Variants in DAPP1 observed in about 807,000 individuals in gnomAD.
The protein encoded by DAPP1 is dual adapter for phosphotyrosine and 3-phosphotyrosine and 3-phosphoinositide.
Under a neutral mutation model 41.5 loss-of-function variants are expected in DAPP1, and 20 were observed. The ratio of observed to expected loss-of-function variants is 0.48; its 90% CI spans 0.34 to 0.70. DAPP1 has a LOEUF of 0.70. DAPP1 is among the 30% of genes least tolerant of loss of function. DAPP1 has a pLI of 0.01. For missense variants in DAPP1, 233 were observed against 333.4 expected, an observed-to-expected ratio of 0.70 and a Z score of 2.35; for synonymous variants, 113 against 116.2, an observed-to-expected ratio of 0.97 and a Z score of 0.18.
intron 1 of DAPP1, among the ~76,000 whole-genome samples, chr4:99,824,383 A>G (rs1000076478): frequency 7.2e-5 from 11 of 152,308 alleles, no homozygotes; most frequent in Non-Finnish European, 1.2e-4. Context: ...AACGCTGATG[A>G]TGTACTTGCA....
chr4:99,836,852 A>G (rs1328958065), intron 2 of DAPP1, among the ~76,000 whole-genome samples: 1 of 152,220 alleles, frequency 6.6e-6, no homozygotes, highest in African/African-American at 2.4e-5. Context: ...ACCAGGCTGA[A>G]ATAAAGGTGT....
At chr4:99,860,839 T>G (rs1177150275) in intron 4 of DAPP1, among the ~76,000 whole-genome samples, 1 of 152,252 alleles carries the variant, frequency 6.6e-6, no homozygotes, top group Non-Finnish European at 1.5e-5. Flanking sequence ...AATTTCTTGA[T>G]GTTAAGCTAC....
intron 1 of DAPP1, among the ~76,000 whole-genome samples, chr4:99,834,064 G>A (rs1350010088): frequency 6.6e-6 from 1 of 152,128 alleles, no homozygotes; most frequent in Non-Finnish European, 1.5e-5. Context: ...TGGGACCCAG[G>A]CAAAGCAACC....
intron 1 of DAPP1, among the ~76,000 whole-genome samples, chr4:99,834,700 A>C (rs1283297157): frequency 6.6e-6 from 1 of 152,328 alleles, no homozygotes; most frequent in African/African-American, 2.4e-5. Flanking sequence ...TTAAAAACCA[A>C]TTCTGATTAC....
At chr4:99,841,727 G>T (rs1246178578) in intron 3 of DAPP1, among the ~76,000 whole-genome samples, 1 of 152,168 alleles carries the variant, frequency 6.6e-6, no homozygotes, top group Non-Finnish European at 1.5e-5. Context: ...CCAGGGTTTT[G>T]TTTTGTGTAC....
intron 4 of DAPP1, among the ~76,000 whole-genome samples, chr4:99,855,254 C>A (rs1724005354): frequency 6.6e-6 from 1 of 152,208 alleles, no homozygotes; most frequent in Admixed American, 6.5e-5. Context: ...ACATCTCTTT[C>A]ATTTGCCCTG....
intron 4 of DAPP1, among the ~76,000 whole-genome samples, chr4:99,854,266 C>G (rs1723968374): frequency 6.6e-6 from 1 of 152,168 alleles, no homozygotes; most frequent in African/African-American, 2.4e-5. Context: ...CTTCATTATT[C>G]TGAAGGCCCT....
intron 8 of DAPP1, chr4:99,866,564 A>G (rs746532413): frequency 1.3e-6 from 1 of 766,306 alleles, no homozygotes; most frequent in Non-Finnish European, 2.4e-6. Context: ...CAGGTCAAGG[A>G]CAAAAGCTGA....
intron 1 of DAPP1, among the ~76,000 whole-genome samples, chr4:99,820,923 C>A (rs746953105): frequency 6.6e-6 from 1 of 152,210 alleles, no homozygotes; most frequent in South Asian, 2.1e-4. Flanking sequence ...CCAGTCCATA[C>A]TAAAACAGGT....
In DAPP1 at chr4:99,816,923, G is replaced by A; in HGVS notation, c.10G>A (p.Ala4Thr). The change falls in exon 1 of 9, where the codon GCA becomes ACA. Residue 4 changes from alanine (A) to threonine (T), a missense_variant. By Grantham distance (58) the Ala-to-Thr change is moderately conservative. Coordinates refer to ENST00000512369, the MANE Select transcript of DAPP1 (RefSeq NM_014395.3). The part of the protein sequence containing the change: MGR[A>T]ELLEGKMSTQ... The stretch of plus-strand genomic sequence containing the variant: ...TCTGTGAAGGGCGCGAATGGGCAGA[G>A]CAGAACTTCTAGAAGGGAAGATGAG... The A allele has an allele frequency of 1.2e-6, 2 of 1,607,262 alleles. No homozygotes were observed. Among genetic ancestry groups the A allele is most frequent in the African/African-American group, 1.3e-5 (1 of 74,932 alleles).
chr4:99,838,214 T>A (rs989038457), intron 2 of DAPP1, among the ~76,000 whole-genome samples: 11 of 152,136 alleles, frequency 7.2e-5, no homozygotes, highest in African/African-American at 2.7e-4. Flanking sequence ...TATAAATCAA[T>A]GACATACATA....
At chr4:99,841,914 T>C (rs1723507387) in intron 3 of DAPP1, among the ~76,000 whole-genome samples, 1 of 152,238 alleles carries the variant, frequency 6.6e-6, no homozygotes, top group South Asian at 2.1e-4. Context: ...AGCTCCCTTC[T>C]TTTAAATTCT....
chr4:99,833,495 A>C (rs1723191818), intron 1 of DAPP1, among the ~76,000 whole-genome samples: 3 of 152,172 alleles, frequency 2.0e-5, no homozygotes, highest in Admixed American at 2.0e-4. Context: ...ACTCTTTATT[A>C]CTCAGGCTAA....
In DAPP1 at chr4:99,823,567, T is replaced by A. The variant is rs535803099; in HGVS notation, c.101+6553T>A. 4.0e-4 allele frequency among the ~76,000 whole-genome samples: 61 copies of A among 152,352 alleles called. 1 individual carries two copies. Among genetic ancestry groups the A allele is most frequent in the South Asian group, 1.7e-3 (8 of 4,834 alleles). ...TATTTTTCCATCATCTCCTTCTTGATCTGTCTCAAAGTAGGCTCTTGCTTC... is the reference window on the plus strand; with the variant it reads ...TATTTTTCCATCATCTCCTTCTTGAACTGTCTCAAAGTAGGCTCTTGCTTC... On this transcript the variant is annotated intron_variant, in intron 1 of 8. Coordinates refer to ENST00000512369, the MANE Select transcript of DAPP1 (RefSeq NM_014395.3).
intron 6 of DAPP1, 54 bp from the exon 7 acceptor site, chr4:99,863,716 C>G: frequency 1.2e-6 from 1 of 867,666 alleles, no homozygotes; most frequent in Non-Finnish European, 1.7e-6. Context: ...ACAGATTTGT[C>G]TGTTTTTTTT....
chr4:99,823,927 G>A (rs985566342), intron 1 of DAPP1, among the ~76,000 whole-genome samples: 2 of 152,168 alleles, frequency 1.3e-5, no homozygotes, highest in Non-Finnish European at 2.9e-5. Flanking sequence ...AACTAGTTCT[G>A]CTTTTGTGTA....
chr4:99,820,402 A>C (rs7697357), intron 1 of DAPP1, among the ~76,000 whole-genome samples: 41,947 of 142,330 alleles, frequency 0.29, 6,156 homozygotes, highest in African/African-American at 0.41. Context: ...ATATGTATAA[A>C]CACAAAAGAA....
At position 99,863,057 on chromosome 4, in the gene DAPP1, C is replaced by T. The variant is rs766789531; in HGVS notation, c.585C>T (p.Tyr195=). 2 of 1,583,016 alleles carry T rather than the reference C, an allele frequency of 1.3e-6. No homozygotes were observed. The highest frequency in any genetic ancestry group is 1.7e-6 in the Non-Finnish European group (2 of 1,168,684). The change falls in exon 6 of 9, where the codon TAC becomes TAT. Residue 195 remains tyrosine (Y), a synonymous_variant. Transcript: ENST00000512369. ...WFTLHRNELK[Y]FKDQMSPEPI... ...CTCTGCACAGGAATGAACTGAAATA[C>T]TTCAAAGACCAGATGGTGAGAAACA...
At position 99,816,857 on chromosome 4, in the gene DAPP1, G is replaced by C; in HGVS notation, c.-57G>C. On this transcript the variant is annotated 5_prime_UTR_variant, in exon 1 of 9. Coordinates refer to ENST00000512369, the MANE Select transcript of DAPP1 (RefSeq NM_014395.3). Reference sequence around the variant, plus strand: ...AGCAGGCTGCTGTCTCACAGAGCGAGAAGGTGTCAGGAGCAGCCCAGTTGT... The same window carrying C: ...AGCAGGCTGCTGTCTCACAGAGCGACAAGGTGTCAGGAGCAGCCCAGTTGT... 6.8e-7 allele frequency: 1 copy of C among 1,461,582 alleles called. No homozygotes were observed. Among genetic ancestry groups the C allele is most frequent in the East Asian group, 2.5e-5 (1 of 40,118 alleles). The allele number at this position is 1,461,582 out of a possible 1,614,324, so 90.5% of individuals were successfully genotyped here.
Sources: gnomAD v4.1 joint callset for allele counts (sites outside exome capture counted in the v4.1 genomes callset) on GRCh38, gnomAD v4.1.1 for gene constraint, MANE v1.5 for transcripts, NCBI Gene and HGNC (gene_info 2026-07-23, HGNC 2026-07-21) for gene names.